Variants in TMEM108 observed in about 807,000 individuals in gnomAD.
TMEM108 encodes cancer/testis antigen 124.
Under a neutral mutation model 35.1 loss-of-function variants are expected in TMEM108, and 12 were observed. The observed-to-expected ratio is 0.34, with a 90% CI of 0.22 to 0.55. The LOEUF (loss-of-function observed/expected upper bound fraction) is 0.55. Ranked by LOEUF, TMEM108 falls within the 20% of genes least tolerant of loss-of-function variation. The pLI, the probability that TMEM108 is intolerant of heterozygous loss-of-function variation, is 0.89. For missense variants in TMEM108, 680 were observed against 753.3 expected, an observed-to-expected ratio of 0.90 and a Z score of 1.14; for synonymous variants, 287 against 308.6, an observed-to-expected ratio of 0.93 and a Z score of 0.73.
At chr3:133,121,613 T>G (rs1383883204) in intron 2 of TMEM108, among the ~76,000 whole-genome samples, 7 of 152,206 alleles carry the variant, frequency 4.6e-5, no homozygotes, top group Non-Finnish European at 1.0e-4. Flanking sequence ...TTACATATGA[T>G]GAAAATGGAG....
intron 3 of TMEM108, among the ~76,000 whole-genome samples, chr3:133,375,357 C>A (rs1287235449): frequency 6.6e-6 from 1 of 152,194 alleles, no homozygotes; most frequent in Non-Finnish European, 1.5e-5. Flanking sequence ...CACCCCACAA[C>A]AATTGTCCAT....
intron 3 of TMEM108, among the ~76,000 whole-genome samples, chr3:133,330,696 G>A (rs1425693406): frequency 6.6e-6 from 1 of 152,092 alleles, no homozygotes; most frequent in East Asian, 1.9e-4. Flanking sequence ...AGACAATGGA[G>A]CCAGCTTTGT....
intron 3 of TMEM108, among the ~76,000 whole-genome samples, chr3:133,291,821 G>T (rs544751234): frequency 1.2e-4 from 19 of 152,146 alleles, no homozygotes; most frequent in African/African-American, 4.6e-4. Context: ...CATCTATCTC[G>T]GCCTTTCTCA....
chr3:133,377,804 C>T (rs575990671), intron 3 of TMEM108, among the ~76,000 whole-genome samples: 2,775 of 27,384 alleles, frequency 0.1, 41 homozygotes, highest in Non-Finnish European at 0.15. Flanking sequence ...AGCATCACCA[C>T]CGGAGCATCA....
At chr3:133,250,453 A>G (rs1946452284) in intron 3 of TMEM108, among the ~76,000 whole-genome samples, 1 of 152,244 alleles carries the variant, frequency 6.6e-6, no homozygotes, top group Non-Finnish European at 1.5e-5. Flanking sequence ...CATACAAAAT[A>G]TGTGCTAATC....
intron 3 of TMEM108, among the ~76,000 whole-genome samples, chr3:133,334,809 G>T (rs1445170516): frequency 6.6e-6 from 1 of 152,158 alleles, no homozygotes; most frequent in Non-Finnish European, 1.5e-5. Context: ...ACTGATACAT[G>T]GTGTTCCTGG....
chr3:133,194,399 A>G (rs1211422482), intron 2 of TMEM108, among the ~76,000 whole-genome samples: 1 of 152,110 alleles, frequency 6.6e-6, no homozygotes, highest in East Asian at 1.9e-4. Context: ...GAATTCATTA[A>G]TACTATTTTT....
intron 3 of TMEM108, among the ~76,000 whole-genome samples, chr3:133,244,639 G>A (rs1946359907): frequency 6.6e-6 from 1 of 152,332 alleles, no homozygotes; most frequent in Non-Finnish European, 1.5e-5. Flanking sequence ...TTTTATAGAT[G>A]TGGTCTCCTT....
At chr3:133,073,265 A>G (rs1480377384) in intron 2 of TMEM108, among the ~76,000 whole-genome samples, 2 of 151,592 alleles carry the variant, frequency 1.3e-5, no homozygotes, top group African/African-American at 4.8e-5. Context: ...TTTGACCAAC[A>G]TCTTCCCAGT....
At chr3:133,203,526 G>C (rs1945703729) in intron 2 of TMEM108, among the ~76,000 whole-genome samples, 1 of 152,136 alleles carries the variant, frequency 6.6e-6, no homozygotes, top group South Asian at 2.1e-4. Context: ...TTTTGTCACA[G>C]GCCTTTTCTG....
chr3:133,252,566 T>A (rs1326118898), intron 3 of TMEM108, among the ~76,000 whole-genome samples: 1 of 152,192 alleles, frequency 6.6e-6, no homozygotes, highest in Non-Finnish European at 1.5e-5. Flanking sequence ...AAGAAAGTCT[T>A]GTTTCTTAAG....
chr3:133,142,787 C>G (rs76920015), intron 2 of TMEM108, among the ~76,000 whole-genome samples: 2 of 152,158 alleles, frequency 1.3e-5, no homozygotes. Context: ...ATAACTAACA[C>G]TTATTAAGTT....
chr3:133,331,638 C>G (rs1364719741), intron 3 of TMEM108, among the ~76,000 whole-genome samples: 1 of 152,212 alleles, frequency 6.6e-6, no homozygotes, highest in African/African-American at 2.4e-5. Flanking sequence ...CATTTATAGA[C>G]TACAAGCTAT....
At chr3:133,185,099 A>T (rs1177435330) in intron 2 of TMEM108, among the ~76,000 whole-genome samples, 2 of 152,196 alleles carry the variant, frequency 1.3e-5, no homozygotes, top group African/African-American at 4.8e-5. Flanking sequence ...GTAAACAATA[A>T]GATTTTTCTT....
At chr3:133,283,571 T>C (rs896977791) in intron 3 of TMEM108, among the ~76,000 whole-genome samples, 1 of 146,810 alleles carries the variant, frequency 6.8e-6, no homozygotes, top group Non-Finnish European at 1.5e-5. Flanking sequence ...GCAGTTTTCC[T>C]CTATAGTCTG....
At chr3:133,280,221 A>C (rs1946893868) in intron 3 of TMEM108, among the ~76,000 whole-genome samples, 2 of 152,188 alleles carry the variant, frequency 1.3e-5, no homozygotes, top group Admixed American at 6.5e-5. Context: ...AAAAATCAGG[A>C]AAGTCAACAT....
intron 2 of TMEM108, among the ~76,000 whole-genome samples, chr3:133,165,293 C>T (rs987657120): frequency 6.6e-6 from 1 of 152,102 alleles, no homozygotes; most frequent in African/African-American, 2.4e-5. Flanking sequence ...CCTTTGGAAC[C>T]TAAAAGGCAG....
intron 3 of TMEM108, among the ~76,000 whole-genome samples, chr3:133,329,483 T>C (rs752158652): frequency 6.6e-6 from 1 of 152,134 alleles, no homozygotes; most frequent in Non-Finnish European, 1.5e-5. Flanking sequence ...ATTTCAGGCC[T>C]CAAAGAAAAG....
intron 2 of TMEM108, among the ~76,000 whole-genome samples, chr3:133,227,579 A>T (rs763152420): frequency 6.6e-6 from 1 of 151,912 alleles, no homozygotes; most frequent in Non-Finnish European, 1.5e-5. Context: ...CTAGAATGTT[A>T]TATAACATTG....
Sources: allele counts gnomAD v4.1 joint callset (sites outside exome capture counted in the v4.1 genomes callset), GRCh38; gene constraint gnomAD v4.1.1; transcripts MANE v1.5; gene names NCBI Gene and HGNC (gene_info 2026-07-23, HGNC 2026-07-21).